Variants in TBC1D22A observed in about 807,000 individuals in gnomAD.
TBC1D22A encodes putative GTPase activator.
Under a neutral mutation model 60.2 loss-of-function variants are expected in TBC1D22A, and 38 were observed. The observed-to-expected ratio is 0.63, with a 90% CI of 0.49 to 0.83. TBC1D22A has a LOEUF of 0.83. Among genes scored for constraint, TBC1D22A ranks in the 40% least tolerant of loss-of-function variants. TBC1D22A has a pLI of 0.00. For missense variants in TBC1D22A, 628 were observed against 701.0 expected, an observed-to-expected ratio of 0.90 and a Z score of 1.18; for synonymous variants, 302 against 281.7, an observed-to-expected ratio of 1.07 and a Z score of -0.72.
At chr22:46,854,988 C>T (rs1569134949) in intron 4 of TBC1D22A, among the ~76,000 whole-genome samples, 1 of 152,160 alleles carries the variant, frequency 6.6e-6, no homozygotes, top group East Asian at 1.9e-4. Context: ...GTGTAGTAGT[C>T]ATTATAATAG....
chr22:46,977,353 G>A (rs1471751497), intron 9 of TBC1D22A, among the ~76,000 whole-genome samples: 2 of 152,050 alleles, frequency 1.3e-5, no homozygotes, highest in African/African-American at 4.8e-5. Flanking sequence ...GATGTATGAA[G>A]CACCTGCCTT....
At chr22:47,168,995 C>T (rs1275586709) in intron 12 of TBC1D22A, among the ~76,000 whole-genome samples, 1 of 151,034 alleles carries the variant, frequency 6.6e-6, no homozygotes, top group Non-Finnish European at 1.5e-5. Context: ...CACCTGCCCT[C>T]CGGCATTGGG....
intron 4 of TBC1D22A, among the ~76,000 whole-genome samples, chr22:46,871,761 C>T (rs186303273): frequency 1.7e-4 from 26 of 152,196 alleles, no homozygotes; most frequent in East Asian, 5.8e-4. Context: ...CCATATTCAA[C>T]GCTCTCATTT....
At chr22:46,963,517 GA>G (rs1271715473) in intron 8 of TBC1D22A, among the ~76,000 whole-genome samples, 1 of 152,180 alleles carries the variant, frequency 6.6e-6, no homozygotes, top group Non-Finnish European at 1.5e-5. Flanking sequence ...AGCTCCCAGC[GA>G]GCACTACACA....
At chr22:47,109,685 A>G (rs61013100) in intron 11 of TBC1D22A, among the ~76,000 whole-genome samples, 6,608 of 152,230 alleles carry the variant, frequency 0.043, 487 homozygotes, top group African/African-American at 0.15. Flanking sequence ...CCATCTTAGG[A>G]ACTGGCAACT....
chr22:47,104,182 T>C (rs1032864906), intron 11 of TBC1D22A, among the ~76,000 whole-genome samples: 1 of 152,086 alleles, frequency 6.6e-6, no homozygotes, highest in East Asian at 1.9e-4. Context: ...GGTGTGTGCC[T>C]GTAGTCCCAG....
intron 11 of TBC1D22A, among the ~76,000 whole-genome samples, chr22:47,057,557 A>C (rs1249619194): frequency 6.6e-6 from 1 of 152,210 alleles, no homozygotes; most frequent in African/African-American, 2.4e-5. Flanking sequence ...GATACAGAAA[A>C]AGAGGTTTAA....
chr22:46,898,859 A>G (rs188048504), intron 7 of TBC1D22A, among the ~76,000 whole-genome samples: 1 of 152,246 alleles, frequency 6.6e-6, no homozygotes, highest in South Asian at 2.1e-4. Context: ...CCCAGGTCCC[A>G]GCTTGACTTT....
chr22:47,140,566 A>AG lies in TBC1D22A; in HGVS notation c.1425+28963_1425+28964insG, dbSNP rs1556313057. On this transcript the variant is annotated intron_variant, in intron 12 of 12. Coordinates refer to ENST00000337137, the MANE Select transcript of TBC1D22A (RefSeq NM_014346.5). ...GAGACTCTGTCTCAAAAAAAAAAAA[A>AG]AAAGAAAGAAAGAAAGAAAGAAAAT... Among the ~76,000 whole-genome samples, 178 of 150,718 alleles carry AG rather than the reference A, an allele frequency of 1.2e-3. 1 individual carries two copies. The highest frequency in any genetic ancestry group is 4.0e-3 in the African/African-American group (163 of 40,618).
intron 12 of TBC1D22A, among the ~76,000 whole-genome samples, chr22:47,134,880 C>A (rs1009899002): frequency 6.6e-6 from 1 of 152,098 alleles, no homozygotes; most frequent in Non-Finnish European, 1.5e-5. Context: ...CATGTTGCAC[C>A]ACAGGGGAGG....
chr22:46,907,694 G>A (rs900683300), intron 7 of TBC1D22A, among the ~76,000 whole-genome samples: 1 of 152,222 alleles, frequency 6.6e-6, no homozygotes, highest in Admixed American at 6.5e-5. Context: ...TGTGCCGGCC[G>A]TGCAGGACTG....
chr22:46,841,727 TC>T (rs1393829140), intron 4 of TBC1D22A, among the ~76,000 whole-genome samples: 1 of 152,224 alleles, frequency 6.6e-6, no homozygotes, highest in African/African-American at 2.4e-5. Flanking sequence ...GTATAAACTT[TC>T]GTTTATACGA....
chr22:46,768,896 C>G (rs1446544826), intron 1 of TBC1D22A, among the ~76,000 whole-genome samples: 2 of 151,928 alleles, frequency 1.3e-5, no homozygotes, highest in Non-Finnish European at 2.9e-5. Flanking sequence ...CAGTTCGAGA[C>G]CAGCCTGACC....
At chr22:46,869,282 A>G (rs1366239842) in intron 4 of TBC1D22A, among the ~76,000 whole-genome samples, 1 of 152,142 alleles carries the variant, frequency 6.6e-6, no homozygotes, top group Non-Finnish European at 1.5e-5. Flanking sequence ...CAGAGAAGAG[A>G]CCACCCCTCC....
chr22:47,118,394 A>T (rs1471454563), intron 12 of TBC1D22A, among the ~76,000 whole-genome samples: 1 of 152,276 alleles, frequency 6.6e-6, no homozygotes, highest in Non-Finnish European at 1.5e-5. Context: ...TTTGGATGTT[A>T]AAGAACCCCC....
chr22:47,163,153 C>T (rs922358943), intron 12 of TBC1D22A, among the ~76,000 whole-genome samples: 3 of 152,174 alleles, frequency 2.0e-5, no homozygotes, highest in African/African-American at 7.2e-5. Context: ...CAAGCACTGC[C>T]CCCCCGCCCG....
chr22:46,871,757 T>C (rs1240269162), intron 4 of TBC1D22A, among the ~76,000 whole-genome samples: 1 of 152,222 alleles, frequency 6.6e-6, no homozygotes, highest in Non-Finnish European at 1.5e-5. Context: ...CAATCCATAT[T>C]CAACGCTCTC....
intron 12 of TBC1D22A, among the ~76,000 whole-genome samples, chr22:47,123,895 G>T (rs939995757): frequency 1.3e-5 from 2 of 152,178 alleles, no homozygotes; most frequent in Admixed American, 6.5e-5. Flanking sequence ...TTGTGTTGCT[G>T]TGTGGGGTTT....
At chr22:47,072,144 G>A (rs1004041362) in intron 11 of TBC1D22A, among the ~76,000 whole-genome samples, 3 of 152,338 alleles carry the variant, frequency 2.0e-5, no homozygotes, top group South Asian at 2.1e-4. Flanking sequence ...TGGCCAGGAC[G>A]CTGGTGGGCT....
Sources: gnomAD v4.1 joint callset for allele counts (sites outside exome capture counted in the v4.1 genomes callset) on GRCh38, gnomAD v4.1.1 for gene constraint, MANE v1.5 for transcripts, NCBI Gene and HGNC (gene_info 2026-07-23, HGNC 2026-07-21) for gene names.